RGS7BP: variants seen among roughly 807,000 people sequenced by gnomAD.
RGS7BP encodes the protein regulator of G protein signaling 7-binding protein.
RGS7BP carries 9 observed loss-of-function variants against 31.3 expected under a neutral mutation model. The observed-to-expected ratio is 0.29, with a 90% CI of 0.17 to 0.50. RGS7BP has a LOEUF of 0.50. RGS7BP is among the 20% of genes least tolerant of loss of function. The pLI is 0.98. For missense variants in RGS7BP, 274 were observed against 322.0 expected (o/e 0.85, Z 1.14); for synonymous variants, 115 against 120.1 (o/e 0.96, Z 0.28).
intron 2 of RGS7BP, among the ~76,000 whole-genome samples, chr5:64,551,815 T>C (rs764421301): frequency 9.2e-5 from 14 of 152,202 alleles, no homozygotes; most frequent in Non-Finnish European, 1.9e-4. Context: ...TTATAGCTAA[T>C]CTAAAATCTT....
Position 64,594,970 on chromosome 5 carries a change from G to T in RGS7BP, c.611+113G>T, listed in dbSNP as rs147115849. ...AGATTCAGAAACAGAGCTTTCTTTG[G>T]TATGCCAGAGGAGCATAGTGCTGTC... is the stretch of plus-strand genomic sequence containing the variant. On this transcript the variant is annotated intron_variant, in intron 4 of 5. Coordinates refer to ENST00000334025, the MANE Select transcript of RGS7BP (RefSeq NM_001029875.3). 2.6e-6 allele frequency: 3 copies of T among 1,153,458 alleles called. No individual in the cohort carries two copies. In the African/African-American group the frequency reaches 4.6e-5, roughly 18 times the overall value. The allele number at this position is 1,153,458 out of a possible 1,614,324, so 71.5% of individuals were successfully genotyped here.
At chr5:64,524,395 G>T (rs1215877470) in intron 2 of RGS7BP, among the ~76,000 whole-genome samples, 1 of 152,128 alleles carries the variant, frequency 6.6e-6, no homozygotes, top group African/African-American at 2.4e-5. Context: ...GGAGATTAGG[G>T]ATCAAGAAAT....
chr5:64,609,430 G>GAAAAAAGTTCTTTTT lies in RGS7BP; in HGVS notation c.*178_*179insAAAAAAGTTCTTTTT, dbSNP rs1743448662. On this transcript the variant is annotated 3_prime_UTR_variant, in exon 6 of 6. Coordinates refer to ENST00000334025, the MANE Select transcript of RGS7BP (RefSeq NM_001029875.3). The stretch of plus-strand genomic sequence containing the variant: ...GATTTTACACTTGAAAGCAGCTGCC[G>GAAAAAAGTTCTTTTT]TCAAGAAAAAAAAGAACAGATTCAA... 1.8e-6 allele frequency: 1 copy of GAAAAAAGTTCTTTTT among 541,154 alleles called. No individual in the cohort carries two copies. The highest frequency in any genetic ancestry group is 1.9e-5 in the African/African-American group (1 of 52,832). The allele number at this position is 541,154 out of a possible 1,614,324, so 33.5% of individuals were successfully genotyped here.
intron 3 of RGS7BP, among the ~76,000 whole-genome samples, chr5:64,584,541 C>T (rs1475835568): frequency 6.6e-6 from 1 of 152,180 alleles, no homozygotes; most frequent in African/African-American, 2.4e-5. Flanking sequence ...AGGGAGCACT[C>T]AGAGCCCCAT....
intron 3 of RGS7BP, among the ~76,000 whole-genome samples, chr5:64,593,781 A>ATGAG (rs1420602515): frequency 1.3e-5 from 2 of 152,270 alleles, no homozygotes; most frequent in East Asian, 1.9e-4. Flanking sequence ...GAGTGAATGA[A>ATGAG]TGAGTGAGTG....
At chr5:64,592,015 A>T (rs533490981) in intron 3 of RGS7BP, among the ~76,000 whole-genome samples, 24 of 152,174 alleles carry the variant, frequency 1.6e-4, no homozygotes, top group Non-Finnish European at 2.8e-4. Flanking sequence ...CATAAGCAAG[A>T]TCATTTCTGA....
intron 2 of RGS7BP, among the ~76,000 whole-genome samples, chr5:64,525,732 C>T (rs1034462615): frequency 1.3e-5 from 2 of 152,142 alleles, no homozygotes; most frequent in Admixed American, 6.5e-5. Flanking sequence ...ATCTTGCCCA[C>T]GACCCCACAG....
intron 2 of RGS7BP, among the ~76,000 whole-genome samples, chr5:64,535,186 C>T (rs1383121080): frequency 6.6e-6 from 1 of 152,112 alleles, no homozygotes; most frequent in Non-Finnish European, 1.5e-5. Flanking sequence ...GATGTGAGGA[C>T]GTGGAGGCAG....
At chr5:64,579,151 TACC>T (rs1742516199) in intron 3 of RGS7BP, among the ~76,000 whole-genome samples, 1 of 152,200 alleles carries the variant, frequency 6.6e-6, no homozygotes, top group Non-Finnish European at 1.5e-5. Context: ...TTTCTCTTGG[TACC>T]AGTAGAGTTA....
chr5:64,561,390 C>G (rs1269240838), intron 2 of RGS7BP, among the ~76,000 whole-genome samples: 1 of 152,142 alleles, frequency 6.6e-6, no homozygotes, highest in Non-Finnish European at 1.5e-5. Flanking sequence ...TAGTTCCAGT[C>G]CTGAGCACTC....
At chr5:64,566,342 A>AT (rs1394168898) in intron 2 of RGS7BP, among the ~76,000 whole-genome samples, 1 of 152,178 alleles carries the variant, frequency 6.6e-6, no homozygotes, top group Non-Finnish European at 1.5e-5. Flanking sequence ...TGCAAAAGAA[A>AT]AAGAACATCT....
intron 2 of RGS7BP, among the ~76,000 whole-genome samples, chr5:64,511,866 G>T (rs184093632): frequency 2.6e-5 from 4 of 152,270 alleles, no homozygotes; most frequent in Non-Finnish European, 4.4e-5. Flanking sequence ...CCCATTCATG[G>T]GGTAGTTGAG....
At chr5:64,529,064 T>C (rs1372712944) in intron 2 of RGS7BP, among the ~76,000 whole-genome samples, 5 of 152,186 alleles carry the variant, frequency 3.3e-5, no homozygotes, top group East Asian at 1.9e-4. Context: ...TAAAAACTTA[T>C]AGATTTTAGC....
intron 2 of RGS7BP, among the ~76,000 whole-genome samples, chr5:64,524,388 G>A (rs1052864031): frequency 6.6e-6 from 1 of 152,162 alleles, no homozygotes; most frequent in Admixed American, 6.5e-5. Flanking sequence ...AGGTGAAGGA[G>A]ATTAGGGATC....
intron 2 of RGS7BP, among the ~76,000 whole-genome samples, chr5:64,523,096 G>A (rs1269843700): frequency 3.9e-5 from 6 of 152,226 alleles, no homozygotes; most frequent in Non-Finnish European, 8.8e-5. Context: ...AAGGAATGTA[G>A]TTGAAGGAAA....
intron 2 of RGS7BP, among the ~76,000 whole-genome samples, chr5:64,574,751 C>T (rs1742377730): frequency 6.6e-6 from 1 of 152,182 alleles, no homozygotes; most frequent in African/African-American, 2.4e-5. Context: ...AACTTGAAGC[C>T]ATTATTTTTA....
At chr5:64,538,619 C>T (rs546795054) in intron 2 of RGS7BP, among the ~76,000 whole-genome samples, 13 of 123,188 alleles carry the variant, frequency 1.1e-4, no homozygotes, top group East Asian at 5.4e-4. Flanking sequence ...TGCAGTGGCA[C>T]GATCTCAGCT....
intron 4 of RGS7BP, among the ~76,000 whole-genome samples, chr5:64,597,519 A>C (rs1017509530): frequency 2.0e-5 from 3 of 151,798 alleles, no homozygotes; most frequent in Non-Finnish European, 4.4e-5. Flanking sequence ...ATTCCAAGTC[A>C]ATGTAATAAG....
chr5:64,536,110 A>G (rs1352612560), intron 2 of RGS7BP, among the ~76,000 whole-genome samples: 4 of 152,244 alleles, frequency 2.6e-5, no homozygotes, highest in African/African-American at 9.6e-5. Flanking sequence ...ACTGAAGTCC[A>G]GAAGTCTCTT....
Sources: gnomAD v4.1 joint callset for allele counts (sites outside exome capture counted in the v4.1 genomes callset) on GRCh38, gnomAD v4.1.1 for gene constraint, MANE v1.5 for transcripts, NCBI Gene and HGNC (gene_info 2026-07-23, HGNC 2026-07-21) for gene names.